Variants in SAXO1 observed in about 807,000 individuals in gnomAD.
The protein encoded by SAXO1 is stabilizer of axonemal microtubules 1.
Under a neutral mutation model 17.5 loss-of-function variants are expected in SAXO1, and 21 were observed. The observed-to-expected ratio is 1.20, with a 90% CI of 0.85 to 1.72. The LOEUF (loss-of-function observed/expected upper bound fraction) is 1.72, where lower values mean the gene tolerates loss of function less well. Ranked by LOEUF, SAXO1 falls within the 40% of genes most tolerant of loss-of-function variation. SAXO1 has a pLI of 0.00. For synonymous variants in SAXO1, 274 were observed against 216.5 expected, an observed-to-expected ratio of 1.27 and a Z score of -2.33; for missense variants, 843 against 596.0, an observed-to-expected ratio of 1.41 and a Z score of -4.32.
chr9:19,006,363 C>A (rs1382601252), intron 1 of SAXO1, among the ~76,000 whole-genome samples: 2 of 152,184 alleles, frequency 1.3e-5, no homozygotes, highest in African/African-American at 4.8e-5. Flanking sequence ...GTAGAAACAA[C>A]TCAAATGTCC....
chr9:18,934,224 C>T (rs576427513), intron 3 of SAXO1, among the ~76,000 whole-genome samples: 8 of 152,292 alleles, frequency 5.3e-5, no homozygotes, highest in African/African-American at 1.7e-4. Flanking sequence ...TATTAATAAA[C>T]ATTTTTCATA....
At chr9:19,045,202 C>T (rs932115906) in intron 1 of SAXO1, among the ~76,000 whole-genome samples, 1 of 146,620 alleles carries the variant, frequency 6.8e-6, no homozygotes, top group East Asian at 2.1e-4. Flanking sequence ...CCCAGCTACT[C>T]GGGAGGCTGA....
chr9:18,990,629 C>G (rs1382051117), intron 1 of SAXO1, among the ~76,000 whole-genome samples: 1 of 152,166 alleles, frequency 6.6e-6, no homozygotes, highest in African/African-American at 2.4e-5. Context: ...CTGTTAGGAA[C>G]CAGGCTGCAC....
intron 1 of SAXO1, among the ~76,000 whole-genome samples, chr9:18,955,469 C>T (rs1832219490): frequency 6.6e-6 from 1 of 152,046 alleles, no homozygotes; most frequent in Admixed American, 6.6e-5. Flanking sequence ...ATCTAAAATT[C>T]GAAGGTACAG....
intron 1 of SAXO1, among the ~76,000 whole-genome samples, chr9:18,997,442 G>C (rs183679938): frequency 2.0e-5 from 3 of 152,228 alleles, no homozygotes; most frequent in Non-Finnish European, 4.4e-5. Flanking sequence ...TGCTCACAGT[G>C]TAAACAAAGA....
rs1832148435 is a variant in SAXO1 at position 18,954,140 on chromosome 9, C to T, written c.39-3203G>A. On this transcript the variant is annotated intron_variant, in intron 1 of 3. Coordinates refer to ENST00000380534, the MANE Select transcript of SAXO1 (RefSeq NM_153707.4). ...GAGAGAGGAGGTTTCTTTAGCCTAC[C>T]AGAACTCTCTAGTCTTTCCACTCCA... Among the ~76,000 whole-genome samples, 3 of 152,152 alleles carry T rather than the reference C, an allele frequency of 2.0e-5. No individual in the cohort carries two copies. In the South Asian group the frequency reaches 6.2e-4, roughly 32 times the overall value.
At chr9:19,021,965 G>C (rs1835254077) in intron 1 of SAXO1, among the ~76,000 whole-genome samples, 1 of 152,222 alleles carries the variant, frequency 6.6e-6, no homozygotes, top group Non-Finnish European at 1.5e-5. Context: ...AGGGCAACCT[G>C]CTCAGCAGTG....
intron 1 of SAXO1, among the ~76,000 whole-genome samples, chr9:19,018,028 T>C (rs1391551245): frequency 2.0e-5 from 3 of 151,892 alleles, no homozygotes; most frequent in Non-Finnish European, 4.4e-5. Context: ...ATTAGTCGGG[T>C]GTGGTTGTAC....
intron 1 of SAXO1, among the ~76,000 whole-genome samples, chr9:19,008,438 C>T (rs1159510428): frequency 6.6e-6 from 1 of 152,164 alleles, no homozygotes; most frequent in African/African-American, 2.4e-5. Flanking sequence ...TCAGATTGAA[C>T]TGACCTTTAC....
chr9:18,937,020 T>G (rs566266085), intron 3 of SAXO1, among the ~76,000 whole-genome samples: 105 of 152,360 alleles, frequency 6.9e-4, no homozygotes, highest in Non-Finnish European at 1.4e-3. Context: ...TTTAATAACC[T>G]TGGTCTTTGG....
At chr9:18,988,178 C>A (rs879880984) in intron 1 of SAXO1, among the ~76,000 whole-genome samples, 4 of 152,222 alleles carry the variant, frequency 2.6e-5, no homozygotes, top group Non-Finnish European at 5.9e-5. Flanking sequence ...AACTTCCTAG[C>A]CACAAAGTGG....
At chr9:18,960,499 T>C (rs1476668298) in intron 1 of SAXO1, among the ~76,000 whole-genome samples, 2 of 152,188 alleles carry the variant, frequency 1.3e-5, no homozygotes, top group African/African-American at 4.8e-5. Context: ...ATATTCATGT[T>C]ACTCTTCCCC....
At chr9:18,940,697 A>T (rs1434532468) in intron 3 of SAXO1, among the ~76,000 whole-genome samples, 6 of 152,246 alleles carry the variant, frequency 3.9e-5, no homozygotes, top group African/African-American at 1.2e-4. Context: ...CCTGGTCTCC[A>T]GTCTCATGGT....
chr9:19,038,282 A>T (rs1025957477), intron 1 of SAXO1, among the ~76,000 whole-genome samples: 1 of 152,158 alleles, frequency 6.6e-6, no homozygotes, highest in African/African-American at 2.4e-5. Flanking sequence ...ACTATAAATC[A>T]TGCTGCTATA....
intron 1 of SAXO1, among the ~76,000 whole-genome samples, chr9:18,970,930 A>G (rs772676216): frequency 5.1e-4 from 78 of 152,138 alleles, no homozygotes; most frequent in Non-Finnish European, 1.0e-3. Context: ...TCAGGTTTTC[A>G]GTGCCAAGGT....
At chr9:18,995,334 T>A (rs780313748) in intron 1 of SAXO1, among the ~76,000 whole-genome samples, 3 of 152,204 alleles carry the variant, frequency 2.0e-5, no homozygotes, top group African/African-American at 7.2e-5. Flanking sequence ...ACTTGTGGGA[T>A]AATTAATTCA....
At chr9:18,935,211 ACT>A (rs1831233079) in intron 3 of SAXO1, among the ~76,000 whole-genome samples, 2 of 152,122 alleles carry the variant, frequency 1.3e-5, no homozygotes, top group Non-Finnish European at 2.9e-5. Context: ...ACCTTGCCTG[ACT>A]TCTTAAGGGT....
At chr9:19,032,142 C>G (rs1458623224) in intron 1 of SAXO1, among the ~76,000 whole-genome samples, 1 of 152,164 alleles carries the variant, frequency 6.6e-6, no homozygotes, top group African/African-American at 2.4e-5. Context: ...TCAGAACCCT[C>G]TTGCCTGTTG....
intron 1 of SAXO1, among the ~76,000 whole-genome samples, chr9:18,966,430 GT>G (rs1588452314): frequency 6.6e-6 from 1 of 152,140 alleles, no homozygotes; most frequent in African/African-American, 2.4e-5. Context: ...TGAAGGGTTT[GT>G]TTTTTCCTTT....
Sources: allele counts gnomAD v4.1 joint callset (sites outside exome capture counted in the v4.1 genomes callset), GRCh38; gene constraint gnomAD v4.1.1; transcripts MANE v1.5; gene names NCBI Gene and HGNC (gene_info 2026-07-23, HGNC 2026-07-21).